PPP1R14C: variants seen among roughly 807,000 people sequenced by gnomAD.
The protein encoded by PPP1R14C is protein phosphatase 1 regulatory subunit 14C.
PPP1R14C carries 16 observed loss-of-function variants against 20.4 expected under a neutral mutation model. That is an observed-to-expected ratio of 0.78 (90% confidence interval 0.53 to 1.19). PPP1R14C has a LOEUF of 1.19. Ranked by LOEUF, PPP1R14C falls within the 50% of genes most tolerant of loss-of-function variation. The pLI, the probability that PPP1R14C is intolerant of heterozygous loss-of-function variation, is 0.00. For synonymous variants in PPP1R14C, 91 were observed against 91.0 expected, an observed-to-expected ratio of 1.00 and a Z score of 0.00; for missense variants, 211 against 220.1, an observed-to-expected ratio of 0.96 and a Z score of 0.26.
intron 2 of PPP1R14C, 51 bp downstream of exon 2, chr6:150,214,878 C>T: frequency 7.6e-7 from 1 of 1,314,486 alleles, no homozygotes; most frequent in Non-Finnish European, 1.1e-6. Context: ...ACTTGAGAGT[C>T]TACTTGGGTC....
At chr6:150,207,318 T>G (rs1458386623) in intron 1 of PPP1R14C, among the ~76,000 whole-genome samples, 1 of 152,262 alleles carries the variant, frequency 6.6e-6, no homozygotes, top group Non-Finnish European at 1.5e-5. Context: ...TTACCCATGC[T>G]ACTTCTGTCT....
At chr6:150,167,942 C>T (rs965127284) in intron 1 of PPP1R14C, among the ~76,000 whole-genome samples, 31 of 151,734 alleles carry the variant, frequency 2.0e-4, no homozygotes, top group African/African-American at 7.3e-4. Flanking sequence ...TCCATGTCTC[C>T]GTTCTCCCCT....
chr6:150,228,651 A>G (rs1778257177), intron 3 of PPP1R14C, among the ~76,000 whole-genome samples: 1 of 152,094 alleles, frequency 6.6e-6, no homozygotes, highest in Non-Finnish European at 1.5e-5. Context: ...TCTACTCTAA[A>G]TCACATCGTT....
At chr6:150,181,355 G>T (rs561222319) in intron 1 of PPP1R14C, among the ~76,000 whole-genome samples, 214 of 152,228 alleles carry the variant, frequency 1.4e-3, no homozygotes, top group Non-Finnish European at 1.7e-3. Flanking sequence ...TTCTGTAGAG[G>T]TTATTATTAT....
intron 1 of PPP1R14C, among the ~76,000 whole-genome samples, chr6:150,186,520 T>A (rs1205886820): frequency 6.6e-6 from 1 of 152,212 alleles, no homozygotes; most frequent in Non-Finnish European, 1.5e-5. Context: ...TCCTGTCAAC[T>A]TGATTTTGAC....
intron 1 of PPP1R14C, among the ~76,000 whole-genome samples, chr6:150,207,632 A>G (rs1456549487): frequency 6.6e-6 from 1 of 152,276 alleles, no homozygotes; most frequent in Admixed American, 6.5e-5. Flanking sequence ...AAAACAGGAT[A>G]AATACATGAA....
chr6:150,240,765 C>A (rs1303370073), intron 3 of PPP1R14C, among the ~76,000 whole-genome samples: 1 of 152,172 alleles, frequency 6.6e-6, no homozygotes, highest in Non-Finnish European at 1.5e-5. Context: ...CCTTTTGATT[C>A]ACTTCTAGTC....
intron 3 of PPP1R14C, among the ~76,000 whole-genome samples, chr6:150,240,650 C>CAGA (rs1276650109): frequency 6.6e-6 from 1 of 152,180 alleles, no homozygotes. Context: ...GAGGACCTAT[C>CAGA]AGAAGTACTT....
chr6:150,168,824 G>T (rs1241519619), intron 1 of PPP1R14C, among the ~76,000 whole-genome samples: 1 of 151,998 alleles, frequency 6.6e-6, no homozygotes, highest in Non-Finnish European at 1.5e-5. Context: ...TAAAAATTTA[G>T]TAACATTTAA....
chr6:150,148,990 G>A (rs1777211228), intron 1 of PPP1R14C, among the ~76,000 whole-genome samples: 1 of 152,078 alleles, frequency 6.6e-6, no homozygotes. Flanking sequence ...CCTGAGCCCG[G>A]GGAGGTTAAG....
rs1045847861 is a variant in PPP1R14C at position 150,220,404 on chromosome 6, G to T, written c.423+3548G>T. 1.3e-4 allele frequency among the ~76,000 whole-genome samples: 20 copies of T among 152,276 alleles called. No homozygotes were observed. The East Asian group carries it at 3.9e-3, about 29-fold the overall frequency. On this transcript the variant is annotated intron_variant, in intron 3 of 3. Transcript: ENST00000361131. ...GGAGACTTTACCATTTAGCTGTTTG[G>T]GGACTAAAGCTTCTTTATTTATAGG...
At chr6:150,158,951 A>G (rs1191185657) in intron 1 of PPP1R14C, among the ~76,000 whole-genome samples, 2 of 152,210 alleles carry the variant, frequency 1.3e-5, no homozygotes, top group Non-Finnish European at 2.9e-5. Context: ...CTTTGGATAG[A>G]ACACATGGCA....
intron 1 of PPP1R14C, among the ~76,000 whole-genome samples, chr6:150,165,787 T>C (rs1204682053): frequency 6.6e-6 from 1 of 152,222 alleles, no homozygotes; most frequent in Non-Finnish European, 1.5e-5. Flanking sequence ...AGCTTTTATG[T>C]TGCTATCAGA....
intron 1 of PPP1R14C, among the ~76,000 whole-genome samples, chr6:150,154,150 T>C (rs1185338478): frequency 6.6e-6 from 1 of 152,240 alleles, no homozygotes; most frequent in Admixed American, 6.5e-5. Context: ...AAGGATATGA[T>C]AAATTCACTG....
At chr6:150,172,676 A>C (rs1266195327) in intron 1 of PPP1R14C, among the ~76,000 whole-genome samples, 1 of 152,176 alleles carries the variant, frequency 6.6e-6, no homozygotes, top group Non-Finnish European at 1.5e-5. Flanking sequence ...GTTCTTTGGA[A>C]GTGCCATCTG....
chr6:150,212,431 C>A (rs1778037506), intron 1 of PPP1R14C, among the ~76,000 whole-genome samples: 1 of 150,972 alleles, frequency 6.6e-6, no homozygotes, highest in Admixed American at 6.6e-5. Flanking sequence ...ACTGAAGATG[C>A]CTACTGTGTA....
intron 3 of PPP1R14C, among the ~76,000 whole-genome samples, chr6:150,225,051 C>T (rs1169110402): frequency 2.6e-5 from 4 of 151,816 alleles, no homozygotes; most frequent in African/African-American, 9.7e-5. Context: ...TTGGTATTTC[C>T]CTTCCCCCAG....
chr6:150,209,235 G>A (rs1368916434), intron 1 of PPP1R14C, among the ~76,000 whole-genome samples: 1 of 152,200 alleles, frequency 6.6e-6, no homozygotes, highest in African/African-American at 2.4e-5. Context: ...AAGCTGCCAA[G>A]CTATGTCTCC....
chr6:150,152,119 C>CAAAA (rs577869928), intron 1 of PPP1R14C, among the ~76,000 whole-genome samples: 7 of 84,994 alleles, frequency 8.2e-5, no homozygotes, highest in South Asian at 3.2e-4. Context: ...GACTCCGTCT[C>CAAAA]AAAAAAAAAA....
Sources: gnomAD v4.1 joint callset for allele counts (sites outside exome capture counted in the v4.1 genomes callset) on GRCh38, gnomAD v4.1.1 for gene constraint, MANE v1.5 for transcripts, NCBI Gene and HGNC (gene_info 2026-07-23, HGNC 2026-07-21) for gene names.